TNR: variants seen among roughly 807,000 people sequenced by gnomAD.
TNR encodes tenascin-R.
TNR carries 45 observed loss-of-function variants against 150.4 expected under a neutral mutation model. The observed-to-expected ratio is 0.30, with a 90% confidence interval of 0.24 to 0.38. TNR has a LOEUF of 0.38. Among genes scored for constraint, TNR ranks in the 10% least tolerant of loss-of-function variants. The pLI is 1.00. For synonymous variants in TNR, 687 were observed against 678.4 expected, an observed-to-expected ratio of 1.01 and a Z score of -0.20; for missense variants, 1,544 against 1,759.1, an observed-to-expected ratio of 0.88 and a Z score of 2.19.
At chr1:175,531,107 T>A (rs1660050779) in intron 1 of TNR, among the ~76,000 whole-genome samples, 1 of 152,206 alleles carries the variant, frequency 6.6e-6, no homozygotes, top group Non-Finnish European at 1.5e-5. Context: ...TCCAGTCCTA[T>A]CCTCTTTTCC....
At chr1:175,608,219 T>C (rs1201679233) in intron 1 of TNR, among the ~76,000 whole-genome samples, 2 of 152,234 alleles carry the variant, frequency 1.3e-5, no homozygotes, top group South Asian at 2.1e-4. Context: ...ATTTAATATA[T>C]AGTAAAGTGG....
At chr1:175,481,704 C>T (rs1411324740) in intron 2 of TNR, among the ~76,000 whole-genome samples, 1 of 152,070 alleles carries the variant, frequency 6.6e-6, no homozygotes, top group South Asian at 2.1e-4. Context: ...TTGGGTTTTG[C>T]TTTTTTGTGT....
At chr1:175,502,016 G>A (rs1397141200) in intron 2 of TNR, among the ~76,000 whole-genome samples, 3 of 152,178 alleles carry the variant, frequency 2.0e-5, no homozygotes, top group African/African-American at 7.2e-5. Flanking sequence ...AGCAGTCGGG[G>A]TGGGGGCTTC....
At chr1:175,628,546 C>G (rs560872991) in intron 1 of TNR, among the ~76,000 whole-genome samples, 202 of 152,054 alleles carry the variant, frequency 1.3e-3, no homozygotes, top group African/African-American at 4.6e-3. Flanking sequence ...AAGAATGGCA[C>G]CTTTTTTTGC....
chr1:175,608,566 G>A (rs1270613643), intron 1 of TNR, among the ~76,000 whole-genome samples: 1 of 152,222 alleles, frequency 6.6e-6, no homozygotes, highest in Non-Finnish European at 1.5e-5. Context: ...TTTATGGACA[G>A]TGTGGATAAA....
At chr1:175,378,839 G>A (rs1652531215) in intron 9 of TNR, among the ~76,000 whole-genome samples, 1 of 152,196 alleles carries the variant, frequency 6.6e-6, no homozygotes, top group South Asian at 2.1e-4. Context: ...GGAATTCCCT[G>A]GAATATCTGC....
intron 1 of TNR, among the ~76,000 whole-genome samples, chr1:175,574,710 AAGGC>A (rs1473448698): frequency 6.6e-6 from 1 of 152,220 alleles, no homozygotes; most frequent in Non-Finnish European, 1.5e-5. Flanking sequence ...TATGGTGCAG[AAGGC>A]AATACACCTA....
At chr1:175,676,530 A>T (rs1459554251) in intron 1 of TNR, among the ~76,000 whole-genome samples, 2 of 152,154 alleles carry the variant, frequency 1.3e-5, no homozygotes, top group Non-Finnish European at 2.9e-5. Flanking sequence ...CAGAACTCTC[A>T]TTGGAACTGA....
At position 175,403,374 on chromosome 1, in the gene TNR, C is replaced by T. The variant is rs372172451; in HGVS notation, c.742G>A (p.Gly248Arg). The stretch of plus-strand genomic sequence containing the variant: ...TAGGGCTCTTCACAGACACACTCCC[C>T]GTCCACGCAGAGCCCCCGGGAGCTG... ...DCSSRGLCVD[G>R]ECVCEEPYTG... The change falls in exon 4 of 23, where the codon GGG becomes AGG. Residue 248 changes from glycine (G) to arginine (R), a missense_variant. By Grantham distance (125) the Gly-to-Arg change is moderately radical (BLOSUM62 -2). Transcript: ENST00000367674. 8.1e-6 allele frequency: 13 copies of T among 1,614,148 alleles called. No individual in the cohort carries two copies. The highest frequency in any genetic ancestry group is 7.7e-5 in the South Asian group (7 of 91,074).
chr1:175,438,286 T>G (rs1655613148), intron 2 of TNR, among the ~76,000 whole-genome samples: 1 of 152,220 alleles, frequency 6.6e-6, no homozygotes, highest in Non-Finnish European at 1.5e-5. Context: ...ACCACATGAT[T>G]ATCTCAATAG....
At chr1:175,472,516 C>A (rs184358262) in intron 2 of TNR, among the ~76,000 whole-genome samples, 2 of 152,274 alleles carry the variant, frequency 1.3e-5, no homozygotes, top group Admixed American at 6.5e-5. Flanking sequence ...GGTTTGTTTA[C>A]ACCAGCATCA....
At chr1:175,489,838 C>T (rs530528418) in intron 2 of TNR, among the ~76,000 whole-genome samples, 13 of 152,028 alleles carry the variant, frequency 8.6e-5, no homozygotes, top group South Asian at 2.1e-4. Context: ...CAACTTCAAC[C>T]GAAAGAACTA....
At chr1:175,434,484 C>A (rs1039527486) in intron 2 of TNR, among the ~76,000 whole-genome samples, 2 of 152,180 alleles carry the variant, frequency 1.3e-5, no homozygotes, top group African/African-American at 4.8e-5. Flanking sequence ...ACACTGTGAC[C>A]TTCCCGCCAT....
At chr1:175,570,737 A>G (rs1661831224) in intron 1 of TNR, among the ~76,000 whole-genome samples, 1 of 151,720 alleles carries the variant, frequency 6.6e-6, no homozygotes, top group African/African-American at 2.4e-5. Flanking sequence ...TACAGCACAA[A>G]TGACTCCTTT....
chr1:175,538,902 C>G (rs1477367896), intron 1 of TNR: 1 of 152,244 alleles, frequency 6.6e-6, no homozygotes, highest in Non-Finnish European at 1.5e-5. Context: ...ACCCTGAGAT[C>G]TCAACCTAGT....
chr1:175,485,248 C>G (rs560242354), intron 2 of TNR, among the ~76,000 whole-genome samples: 157 of 152,226 alleles, frequency 1.0e-3, no homozygotes, highest in African/African-American at 3.6e-3. Context: ...CTGAGTCCAC[C>G]ATTAGGCATA....
At chr1:175,370,127 G>T (rs1571348579) in intron 9 of TNR, among the ~76,000 whole-genome samples, 1 of 151,838 alleles carries the variant, frequency 6.6e-6, no homozygotes, top group South Asian at 2.1e-4. Context: ...ATCTATATTT[G>T]GTCTCTTTCA....
At chr1:175,593,964 T>A (rs943645506) in intron 1 of TNR, among the ~76,000 whole-genome samples, 1 of 152,172 alleles carries the variant, frequency 6.6e-6, no homozygotes, top group African/African-American at 2.4e-5. Context: ...TATTCACCCA[T>A]AAAAAGCCAC....
intron 9 of TNR, among the ~76,000 whole-genome samples, chr1:175,376,075 G>T (rs1185440042): frequency 6.6e-6 from 1 of 152,000 alleles, no homozygotes; most frequent in Non-Finnish European, 1.5e-5. Flanking sequence ...TTTCCTTGAA[G>T]CAGGGGTCCT....
Sources: gnomAD v4.1 joint callset for allele counts (sites outside exome capture counted in the v4.1 genomes callset) on GRCh38, gnomAD v4.1.1 for gene constraint, MANE v1.5 for transcripts, NCBI Gene and HGNC (gene_info 2026-07-23, HGNC 2026-07-21) for gene names.